BOK: variants seen among roughly 807,000 people sequenced by gnomAD.
The protein encoded by BOK is BCL2 family apoptosis regulator BOK, also known as bcl-2-related ovarian killer protein.
BOK carries 20 observed loss-of-function variants against 18.3 expected under a neutral mutation model. The ratio of observed to expected loss-of-function variants is 1.09; its 90% confidence interval spans 0.77 to 1.59. BOK has a LOEUF of 1.59. Ranked by LOEUF, BOK falls within the 40% of genes most tolerant of loss-of-function variation. The pLI is 0.00. For synonymous variants in BOK, 173 were observed against 142.4 expected (o/e 1.21, Z -1.53); for missense variants, 348 against 307.9 (o/e 1.13, Z -0.97).
rs1051316859 is a variant in BOK, at chr2:241,566,856, T to C, written c.350-3269T>C. Reference sequence around the variant, plus strand: ...TGGCTGCCAGGGGCTGTCGGTGAAATAGGGAGTGACTGCTAGTGGGCATGG... The same window carrying C: ...TGGCTGCCAGGGGCTGTCGGTGAAACAGGGAGTGACTGCTAGTGGGCATGG... On this transcript the variant is annotated intron_variant, in intron 3 of 4. Coordinates refer to ENST00000318407, the MANE Select transcript of BOK (RefSeq NM_032515.5). Among the ~76,000 whole-genome samples, 3 of 133,472 alleles carry C rather than the reference T, an allele frequency of 2.2e-5. 1 individual carries two copies. The highest frequency in any genetic ancestry group is 8.9e-5 in the African/African-American group (3 of 33,898). The allele number at this position is 133,472 out of a possible 152,430, so 87.6% of individuals were successfully genotyped here. A position where few individuals can be genotyped will look rare whatever the true frequency, so the allele number is the denominator to read the frequency against.
rs182222096 is a variant in BOK at position 241,564,520 on chromosome 2, G to T, written c.349+2044G>T. On this transcript the variant is annotated intron_variant, in intron 3 of 4. Coordinates refer to ENST00000318407, the MANE Select transcript of BOK (RefSeq NM_032515.5). ...TGGGGCAGACCTGAGTCGGCTGGGG[G>T]TGCATATGGGTAGGGGCTGGGGAGT... Among the ~76,000 whole-genome samples, 761 of 151,826 alleles carry T rather than the reference G, an allele frequency of 5.0e-3. 4 individuals carry two copies. The highest frequency in any genetic ancestry group is 7.0e-3 in the Non-Finnish European group (476 of 67,930).
chr2:241,551,690 A>G (rs1300992399), intron 1 of BOK, among the ~76,000 whole-genome samples: 1 of 152,146 alleles, frequency 6.6e-6, no homozygotes, highest in East Asian at 1.9e-4. Context: ...CCTCCCAGGC[A>G]CAGGGAAACC....
chr2:241,555,180 A>G (rs2066440864), upstream of BOK, among the ~76,000 whole-genome samples: 1 of 152,132 alleles, frequency 6.6e-6, no homozygotes, highest in African/African-American at 2.4e-5. Flanking sequence ...TAATCTCCTC[A>G]TCTGCTCTCT....
In BOK at chr2:241,562,450, C is replaced by T; in HGVS notation, c.323C>T (p.Ala108Val). Residue 108 changes from alanine (A) to valine (V), a missense_variant, in exon 3 of 5, where the codon GCC becomes GTC. Ala to Val is a moderately conservative substitution (Grantham distance 64). Transcript: ENST00000318407. The surrounding 1 kb of genome is among the most constrained non-coding windows in gnomAD (Gnocchi z 4.5). The stretch of plus-strand genomic sequence containing the variant: ...CCTGTGGTGACCGATGCGTTCCTGG[C>T]CGTGGCTGGCCACATCTTCTCTGCA... ...SEPVVTDAFL[A>V]VAGHIFSAGI... 3.7e-6 allele frequency: 6 copies of T among 1,611,608 alleles called. No homozygotes were observed. The highest frequency in any genetic ancestry group is 3.4e-6 in the Non-Finnish European group (4 of 1,179,654).
In BOK at chr2:241,559,465, C is replaced by A; in HGVS notation, c.-19C>A. The A allele has an allele frequency of 6.9e-7, 1 of 1,448,046 alleles. No individual in the cohort carries two copies. Among genetic ancestry groups the A allele is most frequent in the Non-Finnish European group, 9.1e-7 (1 of 1,103,764 alleles). The allele number at this position is 1,448,046 out of a possible 1,614,324, so 89.7% of individuals were successfully genotyped here. A position where few individuals can be genotyped will look rare whatever the true frequency, so the allele number is the denominator to read the frequency against. ...CGCTTGTGCCCGCAGGTGCGGCGCC[C>A]CCCACCCGCGTCGCCGCCATGGAGG... On this transcript the variant is annotated 5_prime_UTR_variant, in exon 2 of 5. Transcript: ENST00000318407.
upstream of BOK, among the ~76,000 whole-genome samples, chr2:241,554,996 AG>A (rs1273252645): frequency 6.6e-6 from 1 of 152,104 alleles, no homozygotes; most frequent in Non-Finnish European, 1.5e-5. Context: ...TCAGGGCCAA[AG>A]GTGACCGGAG....
intron 4 of BOK, among the ~76,000 whole-genome samples, chr2:241,571,489 T>C (rs2066718530): frequency 6.6e-6 from 1 of 152,154 alleles, no homozygotes; most frequent in South Asian, 2.1e-4. Context: ...TCACGTGGTC[T>C]GCGGGGGCTG....
chr2:241,553,555 G>A (rs566589457), intron 1 of BOK, among the ~76,000 whole-genome samples: 2 of 152,314 alleles, frequency 1.3e-5, no homozygotes, highest in Admixed American at 6.5e-5. Context: ...CAATCATGGC[G>A]GAGGGCGAAG....
intron 3 of BOK, among the ~76,000 whole-genome samples, chr2:241,569,657 T>C (rs2066675324): frequency 6.6e-6 from 1 of 152,214 alleles, no homozygotes; most frequent in African/African-American, 2.4e-5. Flanking sequence ...TTTCCCCCGC[T>C]GTCACCATCT....
chr2:241,568,094 C>T (rs1189430989), intron 3 of BOK, among the ~76,000 whole-genome samples: 4 of 152,154 alleles, frequency 2.6e-5, no homozygotes, highest in Admixed American at 1.3e-4. Flanking sequence ...CATCCATGCC[C>T]AGCCTGCCTC....
intron 1 of BOK, among the ~76,000 whole-genome samples, chr2:241,553,561 C>T (rs1015776327): frequency 6.6e-6 from 1 of 151,914 alleles, no homozygotes; most frequent in African/African-American, 2.4e-5. Flanking sequence ...TGGCGGAGGG[C>T]GAAGAGGAAA....
intron 3 of BOK, among the ~76,000 whole-genome samples, chr2:241,568,473 A>C (rs991091359): frequency 3.3e-5 from 5 of 151,916 alleles, no homozygotes; most frequent in South Asian, 2.1e-4. Context: ...GCTGGAGTAC[A>C]GTGGTGCGAT....
chr2:241,571,886 C>T (rs964811357), intron 4 of BOK, among the ~76,000 whole-genome samples: 4 of 152,248 alleles, frequency 2.6e-5, no homozygotes, highest in Non-Finnish European at 5.9e-5. Flanking sequence ...GTAGCCCAGG[C>T]TCCAAGGCCC....
intron 3 of BOK, 26 bp from the exon 4 acceptor site, chr2:241,570,099 G>T: frequency 6.2e-7 from 1 of 1,605,524 alleles, no homozygotes; most frequent in South Asian, 1.1e-5. Flanking sequence ...TTCAAGTCCT[G>T]ATCTTGACCA....
chr2:241,562,294 G>A lies in BOK; in HGVS notation c.221-54G>A, dbSNP rs2066537429. 2.6e-6 allele frequency: 4 copies of A among 1,543,822 alleles called. No homozygotes were observed. Among genetic ancestry groups the A allele is most frequent in the South Asian group, 2.5e-5 (2 of 80,658 alleles). ...GCAGGGTGTGCCCCAAGCCAGTCGT[G>A]TCCCAGGAAGCTGGGACGTGGGCTG... On this transcript the variant is annotated intron_variant, in intron 2 of 4. Coordinates refer to ENST00000318407, the MANE Select transcript of BOK (RefSeq NM_032515.5). This position sits in a 1 kb window ranked among gnomAD's most constrained non-coding sequence, Gnocchi z 4.5.
At chr2:241,571,381 C>T (rs565506145) in intron 4 of BOK, among the ~76,000 whole-genome samples, 2 of 148,348 alleles carry the variant, frequency 1.3e-5, no homozygotes, top group African/African-American at 2.4e-5. Flanking sequence ...CTTTCCTGTA[C>T]AGCGGGTGTT....
Position 241,565,077 on chromosome 2 carries a change from C to T in BOK, c.349+2601C>T, listed in dbSNP as rs377737108. ...GCTGGACGAGCGGGCACACAGCTGA[C>T]GGGGAATGTGGGCGGCACCGGCCAG... On this transcript the variant is annotated intron_variant, in intron 3 of 4. Coordinates refer to ENST00000318407, the MANE Select transcript of BOK (RefSeq NM_032515.5). Among the ~76,000 whole-genome samples, 43 of 152,224 alleles carry T rather than the reference C, an allele frequency of 2.8e-4. No individual in the cohort carries two copies. The South Asian group carries it at 7.5e-3, about 26-fold the overall frequency.
At chr2:241,559,402 G>A (rs1015600848) in intron 1 of BOK, 53 bp from the exon 2 acceptor site, 4 of 1,175,714 alleles carry the variant, frequency 3.4e-6, no homozygotes, top group Non-Finnish European at 4.3e-6. Context: ...CGCCCCGCGC[G>A]CCCCGTTCCC....
In BOK at chr2:241,570,111, C is replaced by T. The variant is rs773170047; in HGVS notation, c.350-14C>T. The T allele has an allele frequency of 1.9e-6, 3 of 1,608,108 alleles. No individual in the cohort carries two copies. Among genetic ancestry groups the T allele is most frequent in the Admixed American group, 3.4e-5 (2 of 58,928 alleles). Reference sequence around the variant, plus strand: ...GGATTCAAGTCCTGATCTTGACCATCTCTCTCCCTGCAGGCATCACGTGGG... The same window carrying T: ...GGATTCAAGTCCTGATCTTGACCATTTCTCTCCCTGCAGGCATCACGTGGG... On this transcript the variant is annotated splice_polypyrimidine_tract_variant and intron_variant, in intron 3 of 4. Transcript: ENST00000318407.
Sources: gnomAD v4.1 joint callset for allele counts (sites outside exome capture counted in the v4.1 genomes callset) on GRCh38, gnomAD v4.1.1 for gene constraint, Gnocchi (gnomAD v3.1) non-coding constraint, MANE v1.5 for transcripts, NCBI Gene and HGNC (gene_info 2026-07-23, HGNC 2026-07-21) for gene names.